The following ADGRV1 variants were observed in gnomAD, a reference collection of about 807,000 sequenced individuals.
ADGRV1 encodes adhesion G protein-coupled receptor V1, also known as G-protein coupled receptor 98.
ADGRV1 carries 359 observed loss-of-function variants against 596.2 expected under a neutral mutation model. The observed-to-expected ratio is 0.60, with a 90% CI of 0.55 to 0.66. ADGRV1 has a LOEUF of 0.66. ADGRV1 is among the 30% of genes least tolerant of loss of function. The pLI, the probability that ADGRV1 is intolerant of heterozygous loss-of-function variation, is 0.00. For missense variants in ADGRV1, 7,274 were observed against 7,575.6 expected (o/e 0.96, Z 1.48); for synonymous variants, 2,681 against 2,679.2 (o/e 1.00, Z -0.02).
chr5:91,056,211 G>A lies in ADGRV1; in HGVS notation c.18153-16236G>A, dbSNP rs143141531. Reference sequence around the variant, plus strand: ...TCTGTTGCCCAATGCCAGCTGCAGCGTTGCAGTTTTCAGTGCATCTCATCG... The same window carrying A: ...TCTGTTGCCCAATGCCAGCTGCAGCATTGCAGTTTTCAGTGCATCTCATCG... On this transcript the variant is annotated intron_variant, in intron 85 of 89. Transcript: ENST00000405460. 3.2e-4 allele frequency among the ~76,000 whole-genome samples: 48 copies of A among 152,276 alleles called. No individual in the cohort carries two copies. In the East Asian group the frequency reaches 5.6e-3, roughly 18 times the overall value.
intron 87 of ADGRV1, among the ~76,000 whole-genome samples, chr5:91,123,045 G>A (rs1004602912): frequency 6.6e-6 from 1 of 152,142 alleles, no homozygotes; most frequent in African/African-American, 2.4e-5. Flanking sequence ...TCTCCACCAT[G>A]CTCCTGGATT....
chr5:90,976,236 A>T (rs1779569489), intron 84 of ADGRV1, among the ~76,000 whole-genome samples: 1 of 147,254 alleles, frequency 6.8e-6, no homozygotes, highest in South Asian at 2.1e-4. Context: ...ATATATATAC[A>T]CAATGTACAT....
intron 85 of ADGRV1, among the ~76,000 whole-genome samples, chr5:91,014,210 A>G (rs766374868): frequency 2.2e-4 from 32 of 146,388 alleles, no homozygotes; most frequent in Non-Finnish European, 4.7e-4. Flanking sequence ...AGGTGAAAGA[A>G]CTCCCGGGGC....
At chr5:91,096,607 G>C in intron 86 of ADGRV1, among the ~76,000 whole-genome samples, 1 of 152,104 alleles carries the variant, frequency 6.6e-6, no homozygotes, top group East Asian at 1.9e-4. Flanking sequence ...TGTAAATTAA[G>C]TACTGTGATG....
chr5:90,930,559 T>A (rs1471184986), intron 83 of ADGRV1, among the ~76,000 whole-genome samples: 2 of 152,210 alleles, frequency 1.3e-5, no homozygotes, highest in African/African-American at 4.8e-5. Context: ...AGTATTTATG[T>A]GTCTTTTTTA....
At chr5:90,652,251 C>T (rs1768739845) in intron 18 of ADGRV1, 95 bp from the exon 19 acceptor site, 2 of 873,498 alleles carry the variant, frequency 2.3e-6, no homozygotes, top group Non-Finnish European at 3.4e-6. Flanking sequence ...TCTTTTAAGA[C>T]AATAGATAGT....
intron 59 of ADGRV1, 41 bp from the exon 60 acceptor site, chr5:90,774,145 G>T: frequency 1.7e-6 from 2 of 1,170,172 alleles, no homozygotes; most frequent in African/African-American, 1.5e-5. Context: ...CTTTGGCTTT[G>T]GTCAATCTGG....
In ADGRV1 at chr5:90,681,354, C is replaced by A. The variant is rs747264019; in HGVS notation, c.5564C>A (p.Ala1855Glu). 6.2e-7 allele frequency: 1 copy of A among 1,613,844 alleles called. No homozygotes were observed. The highest frequency in any genetic ancestry group is 1.1e-5 in the South Asian group (1 of 91,080). Residue 1855 changes from alanine to glutamate, a missense_variant, in exon 27 of 90, where the codon GCA becomes GAA. Transcript: ENST00000405460. ...GCTTCCCAAATTCTAGTGACAATTGCAGCCTCTGACCACGCTCATGGCGTA... is the reference window on the plus strand; with the variant it reads ...GCTTCCCAAATTCTAGTGACAATTGAAGCCTCTGACCACGCTCATGGCGTA... ...GVASQILVTIAASDHAHGVFE... is the reference protein window; with the variant it reads ...GVASQILVTIEASDHAHGVFE...
chr5:90,784,768 G>C (rs1424754632), intron 67 of ADGRV1, among the ~76,000 whole-genome samples: 2 of 152,120 alleles, frequency 1.3e-5, no homozygotes, highest in Non-Finnish European at 2.9e-5. Context: ...TGAAATAAAA[G>C]AGGACACAAA....
intron 4 of ADGRV1, among the ~76,000 whole-genome samples, chr5:90,619,729 C>T (rs1763805310): frequency 6.6e-6 from 1 of 150,990 alleles, no homozygotes; most frequent in Non-Finnish European, 1.5e-5. Context: ...TTAGGTATAT[C>T]TCCTAATGCT....
intron 50 of ADGRV1, among the ~76,000 whole-genome samples, chr5:90,733,964 C>A (rs140518879): frequency 1.1e-4 from 17 of 152,236 alleles, no homozygotes; most frequent in African/African-American, 3.9e-4. Context: ...TTGTTGTACC[C>A]TTTGCTATGA....
At chr5:90,779,845 T>G (rs1758649712) in intron 64 of ADGRV1, 1 of 152,200 alleles carries the variant, frequency 6.6e-6, no homozygotes, top group African/African-American at 2.4e-5. Context: ...ACATTTTTCT[T>G]GTGCATGAAA....
intron 68 of ADGRV1, among the ~76,000 whole-genome samples, chr5:90,788,696 G>A (rs1561734619): frequency 6.6e-6 from 1 of 152,090 alleles, no homozygotes; most frequent in African/African-American, 2.4e-5. Context: ...GGAAAAAATG[G>A]TACTTGTTTA....
Position 91,064,942 on chromosome 5 carries a change from G to A in ADGRV1, c.18153-7505G>A, listed in dbSNP as rs543009405. On this transcript the variant is annotated intron_variant, in intron 85 of 89. Coordinates refer to ENST00000405460, the MANE Select transcript of ADGRV1 (RefSeq NM_032119.4). ...ATAAAAATGTATGTTAAATAAGAGC[G>A]TTATCTTTGGAAAGAATGTAAATTG... 1.1e-4 allele frequency among the ~76,000 whole-genome samples: 16 copies of A among 152,304 alleles called. No homozygotes were observed. The South Asian group carries it at 1.2e-3, about 12-fold the overall frequency.
chr5:90,712,352 T>G lies in ADGRV1; in HGVS notation c.9108T>G (p.Ile3036Met). Residue 3036 changes from isoleucine (I) to methionine (M), a missense_variant, in exon 42 of 90, where the codon ATT becomes ATG. Physicochemically the swap from Ile to Met is conservative, Grantham distance 10. Transcript: ENST00000405460. Reference sequence around the variant, plus strand: ...ATATCATGATTCTTGATGATGACATTCCAGAAGGAGATGAAAAATTTCAGC... The same window carrying G: ...ATATCATGATTCTTGATGATGACATGCCAGAAGGAGATGAAAAATTTCAGC... The part of the protein sequence containing the change: ...NVNIMILDDD[I>M]PEGDEKFQLI... The G allele has an allele frequency of 7.0e-6, 11 of 1,570,134 alleles. No homozygotes were observed. Among genetic ancestry groups the G allele is most frequent in the Non-Finnish European group, 9.5e-6 (11 of 1,152,688 alleles).
intron 60 of ADGRV1, among the ~76,000 whole-genome samples, chr5:90,774,529 T>C (rs1234405993): frequency 1.3e-5 from 2 of 152,180 alleles, no homozygotes; most frequent in Non-Finnish European, 2.9e-5. Context: ...CTTAGCTGTG[T>C]AATTTTTTTC....
At chr5:91,114,822 A>C (rs1178835740) in intron 87 of ADGRV1, among the ~76,000 whole-genome samples, 1 of 152,180 alleles carries the variant, frequency 6.6e-6, no homozygotes, top group African/African-American at 2.4e-5. Flanking sequence ...TCTCATGCAC[A>C]GGCAGCTTCA....
intron 67 of ADGRV1, among the ~76,000 whole-genome samples, chr5:90,785,631 G>T (rs1759352867): frequency 6.6e-6 from 1 of 152,192 alleles, no homozygotes; most frequent in Non-Finnish European, 1.5e-5. Flanking sequence ...CATTTATGCA[G>T]CCAACAGACA....
At chr5:90,750,402 A>G (rs963441133) in intron 52 of ADGRV1, 149 bp from the exon 53 acceptor site, 6 of 578,346 alleles carry the variant, frequency 1.0e-5, no homozygotes, top group Non-Finnish European at 1.8e-5. Context: ...GTCATTCTAT[A>G]TGACTGTTTT....
Sources: gnomAD v4.1 joint callset for allele counts (sites outside exome capture counted in the v4.1 genomes callset) on GRCh38, gnomAD v4.1.1 for gene constraint, MANE v1.5 for transcripts, NCBI Gene and HGNC (gene_info 2026-07-23, HGNC 2026-07-21) for gene names.